The following BMPR1B variants were observed in gnomAD, a reference collection of about 807,000 sequenced individuals.
BMPR1B encodes bone morphogenetic protein receptor type-1B.
BMPR1B carries 12 observed loss-of-function variants against 59.1 expected under a neutral mutation model. The observed-to-expected ratio is 0.20, with a 90% confidence interval of 0.13 to 0.33. The LOEUF (loss-of-function observed/expected upper bound fraction) is 0.33, where lower values mean the gene tolerates loss of function less well. Ranked by LOEUF, BMPR1B falls within the 10% of genes least tolerant of loss-of-function variation. The probability of loss-of-function intolerance (pLI) is 1.00; values close to 1 mark genes in which losing one functional copy is unlikely to be tolerated. For synonymous variants in BMPR1B, 237 were observed against 207.3 expected (o/e 1.14, Z -1.23); for missense variants, 550 against 610.9 (o/e 0.90, Z 1.05).
intron 10 of BMPR1B, among the ~76,000 whole-genome samples, chr4:95,133,415 C>T (rs1733527509): frequency 6.6e-6 from 1 of 152,150 alleles, no homozygotes; most frequent in Non-Finnish European, 1.5e-5. Flanking sequence ...ATTTCCACCA[C>T]ACTTCTTACC....
At chr4:94,844,964 C>T (rs764391864) in intron 1 of BMPR1B, among the ~76,000 whole-genome samples, 5 of 152,044 alleles carry the variant, frequency 3.3e-5, no homozygotes, top group Non-Finnish European at 7.4e-5. Flanking sequence ...CAAGGAAAAT[C>T]CAGAGAGTAA....
intron 2 of BMPR1B, among the ~76,000 whole-genome samples, chr4:94,980,991 TCACACACACACACACACA>T (rs71583675): frequency 4.6e-5 from 1 of 21,776 alleles, no homozygotes; most frequent in African/African-American, 1.6e-4. Context: ...CAAGACTCCA[TCACACACACACACACACA>T]CACACACACA....
intron 2 of BMPR1B, among the ~76,000 whole-genome samples, chr4:94,899,521 A>G (rs894604744): frequency 4.0e-5 from 6 of 150,548 alleles, no homozygotes; most frequent in African/African-American, 1.5e-4. Flanking sequence ...CACTTCTGGG[A>G]AATTATATGG....
At chr4:94,944,248 A>G (rs1030355538) in intron 2 of BMPR1B, among the ~76,000 whole-genome samples, 7 of 152,158 alleles carry the variant, frequency 4.6e-5, no homozygotes, top group Admixed American at 2.0e-4. Flanking sequence ...TATTCAACCT[A>G]TAGTAGGAAA....
intron 2 of BMPR1B, among the ~76,000 whole-genome samples, chr4:94,989,705 A>T (rs1463282709): frequency 6.6e-6 from 1 of 152,292 alleles, no homozygotes; most frequent in East Asian, 1.9e-4. Flanking sequence ...ACAATATACT[A>T]ATAAATAAAA....
intron 1 of BMPR1B, among the ~76,000 whole-genome samples, chr4:94,817,447 A>G (rs1387422071): frequency 6.6e-6 from 1 of 152,080 alleles, no homozygotes; most frequent in Non-Finnish European, 1.5e-5. Flanking sequence ...TCCTGCTTTG[A>G]TGAGTTCAGA....
intron 11 of BMPR1B, among the ~76,000 whole-genome samples, chr4:95,152,071 GA>G (rs568663998): frequency 6.6e-6 from 1 of 151,784 alleles, no homozygotes; most frequent in East Asian, 1.9e-4. Context: ...ATAAATATAG[GA>G]AAAAAATCAG....
chr4:94,937,707 A>AACACATAC (rs1729367007), intron 2 of BMPR1B, among the ~76,000 whole-genome samples: 1 of 151,084 alleles, frequency 6.6e-6, no homozygotes, highest in African/African-American at 2.4e-5. Context: ...TATATGTATA[A>AACACATAC]ACACACACAC....
At chr4:94,924,771 T>C (rs759364948) in intron 2 of BMPR1B, among the ~76,000 whole-genome samples, 1 of 152,158 alleles carries the variant, frequency 6.6e-6, no homozygotes, top group Non-Finnish European at 1.5e-5. Flanking sequence ...GTATGACACA[T>C]ATCACTGAGG....
chr4:95,064,170 G>GA (rs961440537), intron 3 of BMPR1B, among the ~76,000 whole-genome samples: 26 of 152,014 alleles, frequency 1.7e-4, no homozygotes, highest in Admixed American at 3.3e-4. Context: ...AGCAATAATA[G>GA]AAAAAAATAA....
chr4:94,808,922 G>C (rs1723712880), intron 1 of BMPR1B, among the ~76,000 whole-genome samples: 1 of 152,086 alleles, frequency 6.6e-6, no homozygotes, highest in Non-Finnish European at 1.5e-5. Context: ...GGGTGTGGTG[G>C]GGGTTGCCTG....
intron 2 of BMPR1B, among the ~76,000 whole-genome samples, chr4:94,970,163 G>A (rs1730717319): frequency 6.6e-6 from 1 of 152,060 alleles, no homozygotes; most frequent in Non-Finnish European, 1.5e-5. Context: ...AAAGTGCTAG[G>A]ATATTCTATT....
rs1408602691 is a variant in BMPR1B, at chr4:95,078,229, A to T, written c.-17-26179A>T. Among the ~76,000 whole-genome samples the T allele has an allele frequency of 2.0e-5, 3 of 152,218 alleles. No homozygotes were observed. The East Asian group carries it at 5.8e-4, about 29-fold the overall frequency. ...CCAGTAGGTATTACCAGTGATAAATACTTGGAGGTCATCTATCACACTCTA... is the reference window on the plus strand; with the variant it reads ...CCAGTAGGTATTACCAGTGATAAATTCTTGGAGGTCATCTATCACACTCTA... On this transcript the variant is annotated intron_variant, in intron 3 of 12. Coordinates refer to ENST00000515059, the MANE Select transcript of BMPR1B (RefSeq NM_001203.3).
intron 3 of BMPR1B, among the ~76,000 whole-genome samples, chr4:95,103,716 A>G (rs1730984703): frequency 6.6e-6 from 1 of 152,086 alleles, no homozygotes; most frequent in Admixed American, 6.6e-5. Flanking sequence ...CTAAGAGATC[A>G]TGTCTACCAT....
chr4:95,026,118 C>CTTTCTTTCTTTCTTTCTTTCTTTCTT (rs1724370395), intron 3 of BMPR1B, among the ~76,000 whole-genome samples: 7 of 143,314 alleles, frequency 4.9e-5, no homozygotes, highest in African/African-American at 1.6e-4. Flanking sequence ...TTCTTTCTTT[C>CTTTCTTTCTTTCTTTCTTTCTTTCTT]TTTCTTTCTT....
intron 1 of BMPR1B, among the ~76,000 whole-genome samples, chr4:94,852,216 G>A (rs748661499): frequency 2.0e-5 from 3 of 152,032 alleles, no homozygotes; most frequent in Non-Finnish European, 2.9e-5. Context: ...GGTTCTTTAT[G>A]GCCAGCCTCC....
chr4:94,829,163 G>C (rs982242926), intron 1 of BMPR1B, among the ~76,000 whole-genome samples: 1 of 152,094 alleles, frequency 6.6e-6, no homozygotes, highest in Admixed American at 6.6e-5. Flanking sequence ...TTATGCTTCT[G>C]TGAGTTAAAG....
intron 2 of BMPR1B, among the ~76,000 whole-genome samples, chr4:94,893,592 A>C (rs534294589): frequency 2.8e-4 from 43 of 152,090 alleles, no homozygotes; most frequent in African/African-American, 9.9e-4. Flanking sequence ...GAGAAATTTA[A>C]ATTGGCTTTC....
intron 3 of BMPR1B, among the ~76,000 whole-genome samples, chr4:95,031,035 G>T (rs1724805868): frequency 6.6e-6 from 1 of 151,780 alleles, no homozygotes; most frequent in Admixed American, 6.6e-5. Context: ...AAGTTCATAT[G>T]GAACCAAAAA....
Sources: allele counts gnomAD v4.1 joint callset (sites outside exome capture counted in the v4.1 genomes callset), GRCh38; gene constraint gnomAD v4.1.1; transcripts MANE v1.5; gene names NCBI Gene and HGNC (gene_info 2026-07-23, HGNC 2026-07-21).